The following WRAP53 variants were observed in gnomAD, a reference collection of about 807,000 sequenced individuals.
WRAP53 encodes the protein telomerase Cajal body protein 1.
In WRAP53, 28 loss-of-function variants were observed where a neutral mutation model predicts 56.6. The ratio of observed to expected loss-of-function variants is 0.50; its 90% CI spans 0.37 to 0.68. WRAP53 has a LOEUF of 0.68. WRAP53 is among the 30% of genes least tolerant of loss of function. The pLI is 0.00. For missense variants in WRAP53, 671 were observed against 715.5 expected (o/e 0.94, Z 0.71); for synonymous variants, 283 against 283.4 (o/e 1.00, Z 0.01).
In WRAP53 at chr17:7,703,459, G is replaced by T. The variant is rs747334430; in HGVS notation, c.1620G>T (p.Thr540=). The part of the protein sequence containing the change: ...DHQGEKGQGG[T]EGGVGELI ...AGGGCGAGAAAGGGCAGGGAGGAAC[G>T]GAGGGAGGTGTGGGTGAGCTGATAT... The change falls in exon 11 of 11, where the codon ACG becomes ACT. Residue 540 remains threonine (T), a synonymous_variant. Coordinates refer to ENST00000396463, the MANE Select transcript of WRAP53 (RefSeq NM_001143992.2). The T allele has an allele frequency of 3.1e-6, 5 of 1,613,836 alleles. No individual in the cohort carries two copies. In the African/African-American group the frequency reaches 4.0e-5, roughly 13 times the overall value.
intron 4 of WRAP53, among the ~76,000 whole-genome samples, chr17:7,699,441 T>C (rs2074228664): frequency 1.6e-5 from 1 of 61,576 alleles, no homozygotes; most frequent in African/African-American, 7.9e-5. Context: ...AAAAAAAATT[T>C]ATATATATAT....
At chr17:7,700,190 A>T (rs1190185214) in intron 4 of WRAP53, among the ~76,000 whole-genome samples, 1 of 152,052 alleles carries the variant, frequency 6.6e-6, no homozygotes, top group Non-Finnish European at 1.5e-5. Context: ...CTGGGATTAC[A>T]GGTGTCCACC....
rs1175163976 is a variant in WRAP53 at position 7,702,903 on chromosome 17, G to A, written c.1268+57G>A. 38 of 1,612,798 alleles carry A rather than the reference G, an allele frequency of 2.4e-5. No homozygotes were observed. The Admixed American group carries it at 6.3e-4, about 27-fold the overall frequency. ...CCCTGATAAGCCTAGGAATGCCAGA[G>A]CCCAGCTGTAGGGTCCCAGTCCCTG... is the stretch of plus-strand genomic sequence containing the variant. On this transcript the variant is annotated intron_variant, in intron 9 of 10. Coordinates refer to ENST00000396463, the MANE Select transcript of WRAP53 (RefSeq NM_001143992.2). This position sits in a 1 kb window ranked among gnomAD's most constrained non-coding sequence, Gnocchi z 5.0.
intron 4 of WRAP53, among the ~76,000 whole-genome samples, chr17:7,700,380 C>T (rs1287811367): frequency 3.3e-5 from 5 of 151,786 alleles, no homozygotes; most frequent in Admixed American, 3.3e-4. Flanking sequence ...CACGGTGGCT[C>T]ACACCTGTAA....
rs570354139 is a variant in WRAP53 at position 7,688,642 on chromosome 17, C to T, written c.-1-6C>T. The stretch of plus-strand genomic sequence containing the variant: ...GAGGCTAATCTCCGCTGTGCTTCCT[C>T]TGCAGTATGAAGACTTTGGAGACTC... On this transcript the variant is annotated splice_region_variant and splice_polypyrimidine_tract_variant and intron_variant, in intron 1 of 10. Transcript: ENST00000396463. The T allele has an allele frequency of 3.1e-6, 5 of 1,614,190 alleles. No homozygotes were observed. Among genetic ancestry groups the T allele is most frequent in the East Asian group, 2.2e-5 (1 of 44,886 alleles).
Position 7,702,864 on chromosome 17 carries a change from C to T in WRAP53, c.1268+18C>T. ...CTGGACCCGTGAGTGGCTGTGACTC[C>T]TTCCTACACAGGGCCCTGATAAGCC... On this transcript the variant is annotated intron_variant, in intron 9 of 10. Transcript: ENST00000396463. This position sits in a 1 kb window ranked among gnomAD's most constrained non-coding sequence, Gnocchi z 5.0. 6.2e-7 allele frequency: 1 copy of T among 1,613,522 alleles called. No individual in the cohort carries two copies. The highest frequency in any genetic ancestry group is 8.5e-7 in the Non-Finnish European group (1 of 1,179,870).
rs749912677 is a variant in WRAP53 at position 7,702,745 on chromosome 17, T to G, written c.1167T>G (p.Asp389Glu). The G allele has an allele frequency of 1.2e-6, 2 of 1,613,502 alleles. No individual in the cohort carries two copies. The highest frequency in any genetic ancestry group is 1.1e-5 in the South Asian group (1 of 91,076). ...CAGGTCCTGTTCCTTGTCTCCAGGA[T>G]GCTGAGCTCCTGTGCTGGGATCTCC... ...GNRFFSGARK[D>E]AELLCWDLRQ... The change falls in exon 9 of 11, where the codon GAT (aspartate) becomes GAG (glutamate). Residue 389 changes from aspartate (D) to glutamate (E), a missense_variant and splice_region_variant. Physicochemically the swap from Asp to Glu is conservative, Grantham distance 45. Transcript: ENST00000396463. This position sits in a 1 kb window ranked among gnomAD's most constrained non-coding sequence, Gnocchi z 5.0.
At position 7,701,558 on chromosome 17, in the gene WRAP53, C is replaced by T. The variant is rs745842904; in HGVS notation, c.822+9C>T. 19 of 1,614,122 alleles carry T rather than the reference C, an allele frequency of 1.2e-5. No individual in the cohort carries two copies. The East Asian group carries it at 1.6e-4, about 13-fold the overall frequency. On this transcript the variant is annotated intron_variant, in intron 6 of 10. Coordinates refer to ENST00000396463, the MANE Select transcript of WRAP53 (RefSeq NM_001143992.2). This position sits in a 1 kb window ranked among gnomAD's most constrained non-coding sequence, Gnocchi z 4.2. ...GCGCCTACAACCACCTGGTAGGGACCGCCATACTCAGCCCCAGCACTCGTA... is the reference window on the plus strand; with the variant it reads ...GCGCCTACAACCACCTGGTAGGGACTGCCATACTCAGCCCCAGCACTCGTA...
Position 7,689,213 on chromosome 17 carries a change from C to G in WRAP53, c.432-11C>G. 6.2e-7 allele frequency: 1 copy of G among 1,613,994 alleles called. No individual in the cohort carries two copies. Among genetic ancestry groups the G allele is most frequent in the African/African-American group, 1.3e-5 (1 of 74,966 alleles). On this transcript the variant is annotated splice_polypyrimidine_tract_variant and intron_variant, in intron 2 of 10. Coordinates refer to ENST00000396463, the MANE Select transcript of WRAP53 (RefSeq NM_001143992.2). ...GCGACCCAGGTTTATTGTCCCCCAT[C>G]TTCCTTTCAGCGCTTGGAACTACAG...
rs560075112 is a variant in WRAP53 at position 7,701,191 on chromosome 17, C to A, written c.732-268C>A. On this transcript the variant is annotated intron_variant, in intron 5 of 10. Transcript: ENST00000396463. This position sits in a 1 kb window ranked among gnomAD's most constrained non-coding sequence, Gnocchi z 4.2. ...TTCACCACGTTGGCCAGGCTGGTCT[C>A]GAACTGACCTCAGGTGATCCACCTG... 1.3e-5 allele frequency among the ~76,000 whole-genome samples: 2 copies of A among 152,166 alleles called. No individual in the cohort carries two copies. The highest frequency in any genetic ancestry group is 2.9e-5 in the Non-Finnish European group (2 of 68,034).
At position 7,703,486 on chromosome 17, in the gene WRAP53, A is replaced by G; in HGVS notation, c.1647A>G (p.Ter549=). The change falls in exon 11 of 11, where the codon TAA becomes TAG. Residue 549 remains the stop codon, a stop_retained_variant. Coordinates refer to ENST00000396463, the MANE Select transcript of WRAP53 (RefSeq NM_001143992.2). The part of the protein sequence containing the change: ...GTEGGVGELI[*] ...AGGGAGGTGTGGGTGAGCTGATATA[A>G]AAAGGTTTTTATGATACTAGAGTCT... 1 of 1,587,468 alleles carries G rather than the reference A, an allele frequency of 6.3e-7. No individual in the cohort carries two copies. Among genetic ancestry groups the G allele is most frequent in the Non-Finnish European group, 8.6e-7 (1 of 1,165,970 alleles).
chr17:7,702,689 G>T lies in WRAP53; in HGVS notation c.1165-54G>T. 6.2e-7 allele frequency: 1 copy of T among 1,603,596 alleles called. No homozygotes were observed. Among genetic ancestry groups the T allele is most frequent in the Non-Finnish European group, 8.5e-7 (1 of 1,175,160 alleles). The stretch of plus-strand genomic sequence containing the variant: ...GGAGTGCCTGGAGACCCCGAGGGAG[G>T]CAGGGACATCCAGGGCTTTGGGGGT... On this transcript the variant is annotated intron_variant, in intron 8 of 10. Transcript: ENST00000396463. The surrounding 1 kb of genome is among the most constrained non-coding windows in gnomAD (Gnocchi z 5.0).
chr17:7,689,632 C>T lies in WRAP53; in HGVS notation c.573C>T (p.Asn191=). Residue 191 remains asparagine, a synonymous_variant, in exon 4 of 11, where the codon AAC becomes AAT. Transcript: ENST00000396463. ...GCATCTTGACCAATAGTGCTGATAA[C>T]ATCTTGCGAATTTATAACCTGCCCC... The part of the protein sequence containing the change: ...GSCILTNSAD[N]ILRIYNLPPE... 2 of 1,614,170 alleles carry T rather than the reference C, an allele frequency of 1.2e-6. No homozygotes were observed. The highest frequency in any genetic ancestry group is 1.3e-5 in the African/African-American group (1 of 75,038).
Position 7,691,390 on chromosome 17 carries a change from G to GTT in WRAP53, c.642+1690_642+1691insTT, listed in dbSNP as rs200960465. Among the ~76,000 whole-genome samples the GTT allele has an allele frequency of 3.9e-4, 54 of 140,146 alleles. 2 individuals carry two copies. Among genetic ancestry groups the GTT allele is most frequent in the African/African-American group, 1.3e-3 (45 of 33,896 alleles). The allele number at this position is 140,146 out of a possible 152,430, so 91.9% of individuals were successfully genotyped here. ...GTTTATTTGGGAAGTCATGAGAGAG[G>GTT]TGTTTTTTTTTTTTTTTTGAGACGA... On this transcript the variant is annotated intron_variant, in intron 4 of 10. Transcript: ENST00000396463.
chr17:7,689,384 A>G, intron 3 of WRAP53, 62 bp downstream of exon 3: 1 of 1,554,130 alleles, frequency 6.4e-7, no homozygotes, highest in Non-Finnish European at 8.9e-7. Context: ...AAAACAGTCC[A>G]GTTTTCTAGG....
At chr17:7,695,785 T>C (rs2074175983) in intron 4 of WRAP53, among the ~76,000 whole-genome samples, 1 of 152,144 alleles carries the variant, frequency 6.6e-6, no homozygotes, top group Non-Finnish European at 1.5e-5. Context: ...ATCCAATTAC[T>C]TCCCAAATCC....
intron 3 of WRAP53, 56 bp downstream of exon 3, chr17:7,689,378 C>T: frequency 1.9e-6 from 3 of 1,571,186 alleles, no homozygotes; most frequent in South Asian, 1.1e-5. Flanking sequence ...CACTGTAAAA[C>T]AGTCCAGTTT....
At chr17:7,694,070 G>A (rs1488902502) in intron 4 of WRAP53, among the ~76,000 whole-genome samples, 1 of 152,072 alleles carries the variant, frequency 6.6e-6, no homozygotes, top group Admixed American at 6.5e-5. Flanking sequence ...ATCACCTAAG[G>A]TCAGGAGTTC....
At chr17:7,699,534 A>T (rs1462873052) in intron 4 of WRAP53, among the ~76,000 whole-genome samples, 1 of 78,398 alleles carries the variant, frequency 1.3e-5, no homozygotes, top group Non-Finnish European at 2.4e-5. Context: ...ATATATATAT[A>T]TATATTCCTA....
Sources: allele counts gnomAD v4.1 joint callset (sites outside exome capture counted in the v4.1 genomes callset), GRCh38; gene constraint gnomAD v4.1.1; non-coding constraint Gnocchi (gnomAD v3.1); transcripts MANE v1.5; gene names NCBI Gene and HGNC (gene_info 2026-07-23, HGNC 2026-07-21).